The following ADGRL1 variants were observed in gnomAD, a reference collection of about 807,000 sequenced individuals.
ADGRL1 encodes CIRL-1.
A neutral mutation model predicts 148.9 loss-of-function variants in ADGRL1; 31 were observed. That is an observed-to-expected ratio of 0.21 (90% CI 0.16 to 0.28). The LOEUF is 0.28. Ranked by LOEUF, ADGRL1 falls within the 10% of genes least tolerant of loss-of-function variation. ADGRL1 has a pLI of 1.00. For synonymous variants in ADGRL1, 937 were observed against 900.3 expected, an observed-to-expected ratio of 1.04 and a Z score of -0.73; for missense variants, 1,521 against 2,058.8, an observed-to-expected ratio of 0.74 and a Z score of 5.05.
At chr19:14,175,562 ACAC>A (rs1568606368) in intron 3 of ADGRL1, among the ~76,000 whole-genome samples, 2 of 151,994 alleles carry the variant, frequency 1.3e-5, no homozygotes, top group African/African-American at 2.4e-5. Flanking sequence ...ACATTCACAC[ACAC>A]ATCCACCCAC....
At chr19:14,204,723 AG>A in intron 1 of ADGRL1, among the ~76,000 whole-genome samples, 1 of 146,918 alleles carries the variant, frequency 6.8e-6, no homozygotes, top group Admixed American at 6.7e-5. Flanking sequence ...TGAGAGAGAG[AG>A]AGAGAGAGAG....
intron 1 of ADGRL1, among the ~76,000 whole-genome samples, chr19:14,196,804 C>G (rs970787189): frequency 9.9e-5 from 15 of 152,136 alleles, no homozygotes; most frequent in African/African-American, 3.6e-4. Context: ...CACTCCTACA[C>G]CATGTCCTGA....
Position 14,156,947 on chromosome 19 carries a change from G to A in ADGRL1, c.2944C>T (p.Arg982Cys), listed in dbSNP as rs1329892867. The change falls in exon 15 of 23, where the codon CGC becomes TGC. Residue 982 changes from arginine to cysteine, a missense_variant. Around this residue, in one of 8 missense-constraint regions of ADGRL1, gnomAD observed 185 missense variants for 251.7 expected, o/e 0.74. Transcript: ENST00000361434. ...CACGCCTTCTCGGTGCCGTAGCTGCGGTAGTCAATGGCAGCCGCGATGCCC... is the reference window on the plus strand; with the variant it reads ...CACGCCTTCTCGGTGCCGTAGCTGCAGTAGTCAATGGCAGCCGCGATGCCC... ...VVGIAAAIDY[R>C]SYGTEKACWL... The A allele has an allele frequency of 6.2e-7, 1 of 1,612,422 alleles. No individual in the cohort carries two copies. The highest frequency in any genetic ancestry group is 8.5e-7 in the Non-Finnish European group (1 of 1,179,830).
chr19:14,158,760 C>G (rs1450370235), intron 11 of ADGRL1, among the ~76,000 whole-genome samples: 1 of 152,218 alleles, frequency 6.6e-6, no homozygotes, highest in Non-Finnish European at 1.5e-5. Flanking sequence ...TTCTAAACAG[C>G]AGGGCAGTGT....
intron 1 of ADGRL1, among the ~76,000 whole-genome samples, chr19:14,202,499 C>G (rs1413505233): frequency 3.3e-5 from 5 of 152,072 alleles, no homozygotes; most frequent in Non-Finnish European, 5.9e-5. Context: ...GTGATCCACC[C>G]GCCTCAGCCT....
At position 14,161,122 on chromosome 19, in the gene ADGRL1, G is replaced by C. The variant is rs879448859; in HGVS notation, c.1510+190C>G. ...GGTCACCTCCTGCGGACTCCCTGCAGGTTCTGCAGGTGGGGCCAGGGGCAC... is the reference window on the plus strand; with the variant it reads ...GGTCACCTCCTGCGGACTCCCTGCACGTTCTGCAGGTGGGGCCAGGGGCAC... On this transcript the variant is annotated intron_variant, in intron 6 of 22. Coordinates refer to ENST00000361434, the MANE Select transcript of ADGRL1 (RefSeq NM_014921.5). The surrounding 1 kb of genome is among the most constrained non-coding windows in gnomAD (Gnocchi z 4.4). 6.6e-6 allele frequency among the ~76,000 whole-genome samples: 1 copy of C among 152,226 alleles called. No individual in the cohort carries two copies. Among genetic ancestry groups the C allele is most frequent in the East Asian group, 1.9e-4 (1 of 5,184 alleles).
chr19:14,183,428 G>T (rs139930568), intron 2 of ADGRL1, 105 bp downstream of exon 2: 1 of 1,060,142 alleles, frequency 9.4e-7, no homozygotes, highest in Non-Finnish European at 1.4e-6. Context: ...GGGGCAGGGG[G>T]CTGTAATTCT....
In ADGRL1 at chr19:14,183,500, C is replaced by T. The variant is rs574431841; in HGVS notation, c.70+33G>A. ...TGCCCCCCCCAGAAGGGTTTGGGAG[C>T]CGCGGCCCCTCCCCGGCCCCAGCAG... On this transcript the variant is annotated intron_variant, in intron 2 of 22. Transcript: ENST00000361434. 4.3e-5 allele frequency: 67 copies of T among 1,546,802 alleles called. No homozygotes were observed. The Admixed American group carries it at 5.5e-4, about 13-fold the overall frequency.
chr19:14,185,579 C>T (rs1453942580), intron 1 of ADGRL1, among the ~76,000 whole-genome samples: 2 of 152,192 alleles, frequency 1.3e-5, no homozygotes, highest in Non-Finnish European at 2.9e-5. Context: ...CAGGCGTGAG[C>T]CACTGTGCTG....
intron 11 of ADGRL1, 61 bp from the exon 12 acceptor site, chr19:14,158,613 G>T: frequency 1.4e-6 from 2 of 1,397,626 alleles, no homozygotes; most frequent in Non-Finnish European, 2.0e-6. Flanking sequence ...CTCCATCCAG[G>T]CCCCTGGCTT....
At position 14,157,866 on chromosome 19, in the gene ADGRL1, G is replaced by C. The variant is rs1456179228; in HGVS notation, c.2535+16C>G. On this transcript the variant is annotated intron_variant, in intron 13 of 22. Transcript: ENST00000361434. This position sits in a 1 kb window ranked among gnomAD's most constrained non-coding sequence, Gnocchi z 7.5. ...AATCGGGCCTGCCTGGAGGAGCAGAGCACCAGCCAGCTTACGATCTCACGG... is the reference window on the plus strand; with the variant it reads ...AATCGGGCCTGCCTGGAGGAGCAGACCACCAGCCAGCTTACGATCTCACGG... 6.2e-7 allele frequency: 1 copy of C among 1,613,118 alleles called. No individual in the cohort carries two copies. Among genetic ancestry groups the C allele is most frequent in the Admixed American group, 1.7e-5 (1 of 59,978 alleles).
At position 14,152,558 on chromosome 19, in the gene ADGRL1, AAGG is replaced by A. The variant is rs1968322783; in HGVS notation, c.3476_3478del (p.Ser1159del). ...GGTGCTGTTGATGTCACCCGCCATG[AAGG>A]AGGACTCCGTCTGTTTCCTCACAGT... On this transcript the variant is annotated inframe_deletion, in exon 20 of 23. Coordinates refer to ENST00000361434, the MANE Select transcript of ADGRL1 (RefSeq NM_014921.5). This position sits in a 1 kb window ranked among gnomAD's most constrained non-coding sequence, Gnocchi z 6.1. The A allele has an allele frequency of 1.9e-6, 3 of 1,613,918 alleles. No homozygotes were observed. Among genetic ancestry groups the A allele is most frequent in the South Asian group, 1.1e-5 (1 of 91,074 alleles).
At chr19:14,192,247 TATTTA>T (rs1036830561) in intron 1 of ADGRL1, among the ~76,000 whole-genome samples, 2 of 151,996 alleles carry the variant, frequency 1.3e-5, no homozygotes, top group African/African-American at 4.8e-5. Flanking sequence ...TTTATTTATT[TATTTA>T]TTTTTTGAGA....
Position 14,177,662 on chromosome 19 carries a change from G to A in ADGRL1, c.153C>T (p.Pro51=), listed in dbSNP as rs149580055. 106 of 1,614,150 alleles carry A rather than the reference G, an allele frequency of 6.6e-5. No homozygotes were observed. The highest frequency in any genetic ancestry group is 4.7e-4 in the African/African-American group (35 of 75,056). The change falls in exon 3 of 23, where the codon CCC becomes CCT. Residue 51 remains proline (P), a synonymous_variant. Coordinates refer to ENST00000361434, the MANE Select transcript of ADGRL1 (RefSeq NM_014921.5). ...CEGYPIELRC[P]GSDVIMVENA... ...TCTCCACCATGATGACGTCGCTGCC[G>A]GGGCACCGCAGCTCGATGGGGTAGC... is the stretch of plus-strand genomic sequence containing the variant.
At position 14,159,615 on chromosome 19, in the gene ADGRL1, C is replaced by T; in HGVS notation, c.1840-31G>A. 1 of 1,588,442 alleles carries T rather than the reference C, an allele frequency of 6.3e-7. No individual in the cohort carries two copies. The highest frequency in any genetic ancestry group is 8.6e-7 in the Non-Finnish European group (1 of 1,162,326). On this transcript the variant is annotated intron_variant, in intron 9 of 22. Transcript: ENST00000361434. The surrounding 1 kb of genome is among the most constrained non-coding windows in gnomAD (Gnocchi z 6.0). ...CAGGCAGAGGGCATGGTGCTGTGAG[C>T]CCCCCAACACCCTCTAATTCCTGGG...
chr19:14,181,965 C>T (rs1568614387), intron 2 of ADGRL1, among the ~76,000 whole-genome samples: 1 of 152,162 alleles, frequency 6.6e-6, no homozygotes, highest in Non-Finnish European at 1.5e-5. Context: ...TCTGAGCAGG[C>T]TGAGCTCCCT....
At chr19:14,163,535 G>A in intron 4 of ADGRL1, 129 bp from the exon 5 acceptor site, 1 of 713,032 alleles carries the variant, frequency 1.4e-6, no homozygotes, top group East Asian at 2.7e-5. Flanking sequence ...TGCTGGTGGG[G>A]AGCCAGGTTG....
At chr19:14,168,347 C>T (rs889204206) in intron 4 of ADGRL1, among the ~76,000 whole-genome samples, 5 of 152,192 alleles carry the variant, frequency 3.3e-5, no homozygotes, top group African/African-American at 4.8e-5. Context: ...CTCCTGTCCC[C>T]GCTTTAACTC....
intron 1 of ADGRL1, 122 bp downstream of exon 1, chr19:14,205,863 T>TC (rs935668531): frequency 1.3e-5 from 2 of 149,932 alleles, no homozygotes; most frequent in Non-Finnish European, 3.0e-5. Context: ...CCGTGTCCCC[T>TC]CCCCCCTCGC....
Sources: allele counts gnomAD v4.1 joint callset (sites outside exome capture counted in the v4.1 genomes callset), GRCh38; gene constraint gnomAD v4.1.1; regional missense constraint gnomAD v4.1.1; non-coding constraint Gnocchi (gnomAD v3.1); transcripts MANE v1.5; gene names NCBI Gene and HGNC (gene_info 2026-07-23, HGNC 2026-07-21).